The following MCC variants were observed in gnomAD, a reference collection of about 807,000 sequenced individuals.
MCC encodes colorectal mutant cancer protein.
MCC carries 90 observed loss-of-function variants against 116.2 expected under a neutral mutation model. That is an observed-to-expected ratio of 0.77 (90% CI 0.65 to 0.92). The LOEUF (loss-of-function observed/expected upper bound fraction) is 0.92, where lower values mean the gene tolerates loss of function less well. Among genes scored for constraint, MCC ranks in the 40% least tolerant of loss-of-function variants. The pLI, the probability that MCC is intolerant of heterozygous loss-of-function variation, is 0.00. For synonymous variants in MCC, 578 were observed against 510.5 expected, an observed-to-expected ratio of 1.13 and a Z score of -1.78; for missense variants, 1,516 against 1,312.2, an observed-to-expected ratio of 1.16 and a Z score of -2.40.
At chr5:113,080,388 G>C (rs1754767344) in intron 11 of MCC, among the ~76,000 whole-genome samples, 1 of 152,166 alleles carries the variant, frequency 6.6e-6, no homozygotes, top group African/African-American at 2.4e-5. Flanking sequence ...CAATAGCAAA[G>C]ACTTGGAACC....
rs1460979013 is a variant in MCC, at chr5:113,027,333, G to A, written c.3029C>T (p.Ser1010Phe). Residue 1010 changes from serine to phenylalanine, a missense_variant, in exon 19 of 19, where the codon TCC becomes TTC. Coordinates refer to ENST00000408903, the MANE Select transcript of MCC (RefSeq NM_001085377.2). ...CGAAGTTTCATTGGTGTGTGGCCTGGAGTTCTCCTCCTCTAGCAGAGCTAT... is the reference window on the plus strand; with the variant it reads ...CGAAGTTTCATTGGTGTGTGGCCTGAAGTTCTCCTCCTCTAGCAGAGCTAT... ...QRIALLEEEN[S>F]RPHTNETSL The A allele has an allele frequency of 7.4e-6, 12 of 1,614,184 alleles. No individual in the cohort carries two copies. The highest frequency in any genetic ancestry group is 1.0e-5 in the Non-Finnish European group (12 of 1,180,006).
intron 3 of MCC, among the ~76,000 whole-genome samples, chr5:113,247,114 C>T (rs1437885834): frequency 1.3e-5 from 2 of 152,178 alleles, no homozygotes; most frequent in Non-Finnish European, 2.9e-5. Flanking sequence ...TAAGACATGA[C>T]CCCTGCCCTG....
intron 1 of MCC, among the ~76,000 whole-genome samples, chr5:113,415,753 T>G (rs1238402253): frequency 6.6e-6 from 1 of 152,214 alleles, no homozygotes; most frequent in Non-Finnish European, 1.5e-5. Context: ...TTACCGACCT[T>G]CTGAAGCCTA....
intron 3 of MCC, among the ~76,000 whole-genome samples, chr5:113,307,263 G>C (rs2150366815): frequency 6.6e-6 from 1 of 152,172 alleles, no homozygotes; most frequent in East Asian, 1.9e-4. Context: ...AATAATATTA[G>C]GTCTTCCAAT....
chr5:113,055,524 G>C (rs893459999), intron 14 of MCC, among the ~76,000 whole-genome samples: 1 of 152,200 alleles, frequency 6.6e-6, no homozygotes. Flanking sequence ...CCTAGGGCTT[G>C]GGGTGGTCTT....
At chr5:113,164,612 C>T (rs904855040) in intron 3 of MCC, among the ~76,000 whole-genome samples, 1 of 152,142 alleles carries the variant, frequency 6.6e-6, no homozygotes, top group Non-Finnish European at 1.5e-5. Context: ...CACAGTAAAC[C>T]GAGATAGGTG....
intron 15 of MCC, among the ~76,000 whole-genome samples, chr5:113,050,513 A>C (rs988187300): frequency 1.3e-5 from 2 of 152,198 alleles, no homozygotes; most frequent in Admixed American, 1.3e-4. Context: ...CACCCCTCGA[A>C]AGGGACATTA....
chr5:113,378,752 G>A (rs1581439194), intron 2 of MCC, among the ~76,000 whole-genome samples: 1 of 152,138 alleles, frequency 6.6e-6, no homozygotes, highest in Non-Finnish European at 1.5e-5. Flanking sequence ...TTTGACACAA[G>A]TACATGGAAT....
At chr5:113,043,459 G>C (rs143032490) in intron 17 of MCC, 71 bp downstream of exon 17, 4 of 1,358,756 alleles carry the variant, frequency 2.9e-6, no homozygotes, top group Non-Finnish European at 4.1e-6. Flanking sequence ...TTTGGGAGCA[G>C]CAAAGAGAAC....
intron 2 of MCC, among the ~76,000 whole-genome samples, chr5:113,345,291 T>G (rs1199213178): frequency 1.3e-5 from 2 of 151,920 alleles, no homozygotes; most frequent in African/African-American, 4.8e-5. Flanking sequence ...CTCCAATCCC[T>G]GGCTCCCAGA....
intron 1 of MCC, among the ~76,000 whole-genome samples, chr5:113,483,749 T>C (rs553131275): frequency 1.3e-5 from 2 of 152,134 alleles, no homozygotes; most frequent in Non-Finnish European, 2.9e-5. Flanking sequence ...ACCTGTATGT[T>C]CACTGCAGCA....
At chr5:113,050,457 G>T (rs10054158) in intron 15 of MCC, among the ~76,000 whole-genome samples, 4 of 151,916 alleles carry the variant, frequency 2.6e-5, no homozygotes, top group Non-Finnish European at 2.9e-5. Context: ...AGTTGGACTA[G>T]GGGGTAGATG....
rs545025050 is a variant in MCC at position 113,442,706 on chromosome 5, T to C, written c.170+45539A>G. Among the ~76,000 whole-genome samples the C allele has an allele frequency of 3.9e-5, 6 of 152,328 alleles. No homozygotes were observed. The East Asian group carries it at 1.2e-3, about 29-fold the overall frequency. On this transcript the variant is annotated intron_variant, in intron 1 of 18. Transcript: ENST00000408903. Reference sequence around the variant, plus strand: ...TGTAAGGAAGGGATCCAGTTTCAGTTTTCTGCATATGGCTAGCCAGTTTTC... The same window carrying C: ...TGTAAGGAAGGGATCCAGTTTCAGTCTTCTGCATATGGCTAGCCAGTTTTC...
rs78749235 is a variant in MCC at position 113,427,054 on chromosome 5, C to T, written c.171-41842G>A. On this transcript the variant is annotated intron_variant, in intron 1 of 18. Transcript: ENST00000408903. ...CCTAATTGATATATTTTTTCTATCCCTATGTTGCAGGTGGGGACTCTGAGG... is the reference window on the plus strand; with the variant it reads ...CCTAATTGATATATTTTTTCTATCCTTATGTTGCAGGTGGGGACTCTGAGG... Among the ~76,000 whole-genome samples the T allele has an allele frequency of 3.2e-3, 486 of 152,122 alleles. 1 individual carries two copies. The highest frequency in any genetic ancestry group is 5.4e-3 in the South Asian group (26 of 4,810).
intron 2 of MCC, among the ~76,000 whole-genome samples, chr5:113,384,505 G>A (rs540861750): frequency 2.6e-5 from 4 of 152,196 alleles, no homozygotes; most frequent in South Asian, 2.1e-4. Flanking sequence ...GGAGAAAGGC[G>A]GGAACCCGGG....
At chr5:113,061,548 G>A (rs2088150743) in intron 14 of MCC, among the ~76,000 whole-genome samples, 1 of 152,212 alleles carries the variant, frequency 6.6e-6, no homozygotes, top group Non-Finnish European at 1.5e-5. Context: ...TTTCAAAAAT[G>A]AAGTGGCACC....
intron 3 of MCC, among the ~76,000 whole-genome samples, chr5:113,195,185 G>C (rs1180623876): frequency 2.0e-5 from 3 of 152,210 alleles, no homozygotes; most frequent in African/African-American, 7.2e-5. Flanking sequence ...AATGGACCTC[G>C]TGAGGGGGTC....
chr5:113,317,127 C>T (rs1351193011), intron 3 of MCC, among the ~76,000 whole-genome samples: 1 of 152,108 alleles, frequency 6.6e-6, no homozygotes, highest in African/African-American at 2.4e-5. Flanking sequence ...AGCGGGATAC[C>T]AGGTTTTGAA....
intron 3 of MCC, among the ~76,000 whole-genome samples, chr5:113,163,285 A>G (rs1396301273): frequency 6.6e-6 from 1 of 152,252 alleles, no homozygotes; most frequent in Non-Finnish European, 1.5e-5. Flanking sequence ...TCATCTATTC[A>G]TGATAGAAAA....
Sources: gnomAD v4.1 joint callset for allele counts (sites outside exome capture counted in the v4.1 genomes callset) on GRCh38, gnomAD v4.1.1 for gene constraint, MANE v1.5 for transcripts, NCBI Gene and HGNC (gene_info 2026-07-23, HGNC 2026-07-21) for gene names.